BAD: variants seen among roughly 807,000 people sequenced by gnomAD.
The protein encoded by BAD is bcl2-associated agonist of cell death.
Under a neutral mutation model 17.8 loss-of-function variants are expected in BAD, and 18 were observed. The observed-to-expected ratio is 1.01, with a 90% confidence interval of 0.70 to 1.50. BAD has a LOEUF of 1.50. BAD is among the 40% of genes most tolerant of loss of function. The pLI is 0.00. For missense variants in BAD, 294 were observed against 239.3 expected, an observed-to-expected ratio of 1.23 and a Z score of -1.51; for synonymous variants, 112 against 91.5, an observed-to-expected ratio of 1.22 and a Z score of -1.28.
At position 64,284,513 on chromosome 11, in the gene BAD, T is replaced by A; in HGVS notation, c.-9+118A>T. The stretch of plus-strand genomic sequence containing the variant: ...GCCAGGCCTCCTGGGCCCTCATCTG[T>A]CTGCCGGGTCTGGCCTGGCAGGGAG... On this transcript the variant is annotated intron_variant, in intron 1 of 3. Coordinates refer to ENST00000309032, the MANE Select transcript of BAD (RefSeq NM_032989.3). 8 of 1,548,976 alleles carry A rather than the reference T, an allele frequency of 5.2e-6. 1 individual carries two copies. The South Asian group carries it at 9.3e-5, about 18-fold the overall frequency.
Position 64,284,198 on chromosome 11 carries a change from G to A in BAD, c.171C>T (p.Ser57=). The change falls in exon 2 of 4, where the codon AGC becomes AGT. Residue 57 remains serine (S), a synonymous_variant. Transcript: ENST00000309032. Reference sequence around the variant, plus strand: ...GGTACTTACCTCCATGATGGCTGCTGCTGGTTGGCTGCTCCTGCTGGTGAC... The same window carrying A: ...GGTACTTACCTCCATGATGGCTGCTACTGGTTGGCTGCTCCTGCTGGTGAC... The part of the protein sequence containing the change: ...DASHQQEQPT[S]SSHHGGAGAV... 1 of 1,600,818 alleles carries A rather than the reference G, an allele frequency of 6.2e-7. No individual in the cohort carries two copies. Among genetic ancestry groups the A allele is most frequent in the Non-Finnish European group, 8.5e-7 (1 of 1,173,362 alleles).
At position 64,270,190 on chromosome 11, in the gene BAD, T is replaced by C. The variant is rs749547055; in HGVS notation, c.*19A>G. On this transcript the variant is annotated 3_prime_UTR_variant, in exon 4 of 4. Transcript: ENST00000309032. Reference sequence around the variant, plus strand: ...CAGGGCAGTGGGAACGGGTGGAGTTTCGGGATGTGGAGCGAAGGTCACTGG... The same window carrying C: ...CAGGGCAGTGGGAACGGGTGGAGTTCCGGGATGTGGAGCGAAGGTCACTGG... The C allele has an allele frequency of 1.2e-6, 2 of 1,613,934 alleles. No homozygotes were observed. Among genetic ancestry groups the C allele is most frequent in the East Asian group, 2.2e-5 (1 of 44,868 alleles).
intron 2 of BAD, chr11:64,276,785 G>A (rs1408461022): frequency 9.5e-6 from 6 of 629,458 alleles, no homozygotes; most frequent in Admixed American, 2.4e-5. Context: ...GGGTGTGAAC[G>A]TGGGTGGGTG....
At chr11:64,280,880 C>G (rs551860263) in intron 2 of BAD, among the ~76,000 whole-genome samples, 1 of 150,428 alleles carries the variant, frequency 6.6e-6, no homozygotes, top group Non-Finnish European at 1.5e-5. Flanking sequence ...GTTGGCCAGG[C>G]TGTTCTTGAA....
At position 64,281,676 on chromosome 11, in the gene BAD, G is replaced by A. The variant is rs2033480694; in HGVS notation, c.187+2506C>T. On this transcript the variant is annotated intron_variant, in intron 2 of 3. Transcript: ENST00000309032. ...GGTGCTTCTCACCAAGGTGAGTGCTGACCACCTCTGCTACCATCACTCCCC... is the reference window on the plus strand; with the variant it reads ...GGTGCTTCTCACCAAGGTGAGTGCTAACCACCTCTGCTACCATCACTCCCC... 1.3e-5 allele frequency among the ~76,000 whole-genome samples: 2 copies of A among 152,240 alleles called. 1 individual carries two copies. Among genetic ancestry groups the A allele is most frequent in the South Asian group, 4.2e-4 (2 of 4,818 alleles).
chr11:64,280,134 G>A lies in BAD; in HGVS notation c.187+4048C>T, dbSNP rs1012881954. ...AGATCGAGACCATCCTGGCTAACAT[G>A]GTGAAACCCCATCTCTACTAAAAAC... On this transcript the variant is annotated intron_variant, in intron 2 of 3. Transcript: ENST00000309032. Among the ~76,000 whole-genome samples, 17 of 151,462 alleles carry A rather than the reference G, an allele frequency of 1.1e-4. No individual in the cohort carries two copies. In the South Asian group the frequency reaches 1.5e-3, roughly 13 times the overall value.
chr11:64,274,308 A>G (rs2032880266), intron 2 of BAD, among the ~76,000 whole-genome samples: 1 of 151,816 alleles, frequency 6.6e-6, no homozygotes, highest in South Asian at 2.1e-4. Context: ...AATGGCGTGA[A>G]CCCGGGAGGC....
At chr11:64,284,053 G>C in intron 2 of BAD, 129 bp downstream of exon 2, 2 of 1,150,072 alleles carry the variant, frequency 1.7e-6, no homozygotes, top group Non-Finnish European at 2.4e-6. Flanking sequence ...TTACGAAAGA[G>C]GAAACTGGGG....
intron 3 of BAD, chr11:64,270,602 G>A: frequency 1.5e-6 from 1 of 681,096 alleles, no homozygotes; most frequent in Admixed American, 2.0e-5. Context: ...GGCCAGAGCT[G>A]GAGACCTAGC....
chr11:64,273,511 C>A (rs902894237), intron 2 of BAD, among the ~76,000 whole-genome samples: 13 of 152,154 alleles, frequency 8.5e-5, no homozygotes, highest in African/African-American at 3.1e-4. Flanking sequence ...CTGCCAACTC[C>A]ACTCCTCTAC....
intron 2 of BAD, among the ~76,000 whole-genome samples, chr11:64,280,206 G>C (rs977025505): frequency 4.1e-4 from 62 of 150,658 alleles, no homozygotes; most frequent in African/African-American, 1.5e-3. Context: ...TGTAGTCCGA[G>C]CTACTCTGGA....
intron 2 of BAD, among the ~76,000 whole-genome samples, chr11:64,277,728 T>C (rs1211998413): frequency 6.6e-6 from 1 of 152,166 alleles, no homozygotes; most frequent in Non-Finnish European, 1.5e-5. Context: ...TATGAAAGGC[T>C]GGCTGGCAAA....
chr11:64,284,472 T>C (rs1365262261), intron 1 of BAD, 96 bp from the exon 2 acceptor site: 1 of 1,594,556 alleles, frequency 6.3e-7, no homozygotes, highest in South Asian at 1.1e-5. Context: ...TCTCCCACCG[T>C]AGCGCCCCCA....
intron 2 of BAD, among the ~76,000 whole-genome samples, chr11:64,280,079 A>G (rs2033342779): frequency 6.6e-6 from 1 of 151,816 alleles, no homozygotes. Context: ...GCACTTTGGG[A>G]GGCCAAGGCG....
intron 2 of BAD, chr11:64,276,834 GC>G (rs1218222788): frequency 1.4e-6 from 1 of 709,942 alleles, no homozygotes; most frequent in African/African-American, 1.7e-5. Context: ...CTAGAGCCTG[GC>G]CCGGAGCTGG....
At chr11:64,281,598 C>G (rs2033475328) in intron 2 of BAD, among the ~76,000 whole-genome samples, 1 of 152,198 alleles carries the variant, frequency 6.6e-6, no homozygotes, top group Admixed American at 6.5e-5. Flanking sequence ...ACCATCTGCC[C>G]TTCTCTCTGC....
intron 2 of BAD, among the ~76,000 whole-genome samples, chr11:64,280,052 T>C (rs926555092): frequency 2.0e-5 from 3 of 151,752 alleles, no homozygotes; most frequent in African/African-American, 7.3e-5. Flanking sequence ...GCGCGGTGGC[T>C]CACGCCTGTA....
chr11:64,279,316 C>T (rs992228653), intron 2 of BAD, among the ~76,000 whole-genome samples: 4 of 152,180 alleles, frequency 2.6e-5, no homozygotes, highest in Admixed American at 6.5e-5. Flanking sequence ...CCCTGAAGCT[C>T]AGCCAGCTTG....
intron 2 of BAD, among the ~76,000 whole-genome samples, chr11:64,277,443 T>C (rs2033151142): frequency 6.6e-6 from 1 of 152,160 alleles, no homozygotes. Flanking sequence ...TTCCTTTTTG[T>C]TTTTAAAAAA....
Sources: gnomAD v4.1 joint callset for allele counts (sites outside exome capture counted in the v4.1 genomes callset) on GRCh38, gnomAD v4.1.1 for gene constraint, MANE v1.5 for transcripts, NCBI Gene and HGNC (gene_info 2026-07-23, HGNC 2026-07-21) for gene names.